The following PPFIA2 variants were observed in gnomAD, a reference collection of about 807,000 sequenced individuals.
The protein encoded by PPFIA2 is liprin-alpha-2.
A neutral mutation model predicts 175.5 loss-of-function variants in PPFIA2; 46 were observed. That is an observed-to-expected ratio of 0.26 (90% confidence interval 0.21 to 0.34). PPFIA2 has a LOEUF of 0.34. PPFIA2 is among the 10% of genes least tolerant of loss of function. PPFIA2 has a pLI of 1.00. For missense variants in PPFIA2, 1,179 were observed against 1,506.1 expected, an observed-to-expected ratio of 0.78 and a Z score of 3.60; for synonymous variants, 568 against 511.4, an observed-to-expected ratio of 1.11 and a Z score of -1.49.
chr12:81,319,506 A>ATTGACTTT (rs2053188334), intron 22 of PPFIA2, among the ~76,000 whole-genome samples: 1 of 151,830 alleles, frequency 6.6e-6, no homozygotes, highest in Non-Finnish European at 1.5e-5. Context: ...TTCCAGAGAA[A>ATTGACTTT]TTTTGAAAGC....
At chr12:81,554,937 T>C (rs2068578932) in intron 4 of PPFIA2, among the ~76,000 whole-genome samples, 1 of 152,064 alleles carries the variant, frequency 6.6e-6, no homozygotes, top group Non-Finnish European at 1.5e-5. Flanking sequence ...CTAATAAGTA[T>C]TGGTCTTCTC....
At chr12:81,278,350 G>C (rs921566135) in intron 27 of PPFIA2, among the ~76,000 whole-genome samples, 2 of 152,006 alleles carry the variant, frequency 1.3e-5, no homozygotes, top group African/African-American at 4.8e-5. Context: ...AGACCAGCTT[G>C]GTCAATATGG....
At chr12:81,386,610 A>G (rs76395409) in intron 8 of PPFIA2, among the ~76,000 whole-genome samples, 53,683 of 151,388 alleles carry the variant, frequency 0.35, 10,340 homozygotes, top group East Asian at 0.53. Context: ...TGAAAGAGTG[A>G]GGCTCTGACC....
chr12:81,336,505 T>A (rs1293541931), intron 21 of PPFIA2, among the ~76,000 whole-genome samples: 2 of 152,228 alleles, frequency 1.3e-5, no homozygotes, highest in Non-Finnish European at 2.9e-5. Flanking sequence ...GCAAACAAGA[T>A]ATCCTTTCCA....
At chr12:81,628,487 C>T (rs2062988321) in intron 4 of PPFIA2, among the ~76,000 whole-genome samples, 1 of 150,916 alleles carries the variant, frequency 6.6e-6, no homozygotes, top group African/African-American at 2.4e-5. Context: ...AGGGATTCTC[C>T]TGTCTCAGCC....
Position 81,425,071 on chromosome 12 carries a change from G to A in PPFIA2, c.645+14901C>T, listed in dbSNP as rs199908130. 4.6e-5 allele frequency: 7 copies of A among 152,262 alleles called. No homozygotes were observed. The East Asian group carries it at 1.4e-3, about 29-fold the overall frequency. 9.4% of individuals were successfully genotyped at this position (152,262 alleles called of 1,614,324 possible). Reference sequence around the variant, plus strand: ...TTCAGGTGAATTACTTTAAGCATTAGAACCATATTTTCTGCATCTTTAAAG... The same window carrying A: ...TTCAGGTGAATTACTTTAAGCATTAAAACCATATTTTCTGCATCTTTAAAG... On this transcript the variant is annotated intron_variant, in intron 7 of 32. Coordinates refer to ENST00000549396, the MANE Select transcript of PPFIA2 (RefSeq NM_003625.5).
At chr12:81,358,985 C>T (rs1316632019) in intron 15 of PPFIA2, among the ~76,000 whole-genome samples, 1 of 151,674 alleles carries the variant, frequency 6.6e-6, no homozygotes, top group African/African-American at 2.4e-5. Context: ...AATAAAGTAC[C>T]CTATAATCAA....
intron 4 of PPFIA2, among the ~76,000 whole-genome samples, chr12:81,658,955 G>A (rs1419297811): frequency 6.6e-6 from 1 of 152,080 alleles, no homozygotes; most frequent in African/African-American, 2.4e-5. Context: ...TAACCAGGAA[G>A]TTGAATATAT....
intron 4 of PPFIA2, among the ~76,000 whole-genome samples, chr12:81,503,116 C>A (rs1238156718): frequency 6.6e-6 from 1 of 152,178 alleles, no homozygotes; most frequent in Admixed American, 6.6e-5. Context: ...ACACTTCTTT[C>A]TCTCTGATGA....
At chr12:81,512,634 T>C (rs1318116155) in intron 4 of PPFIA2, among the ~76,000 whole-genome samples, 1 of 152,026 alleles carries the variant, frequency 6.6e-6, no homozygotes, top group Non-Finnish European at 1.5e-5. Context: ...GGTGCACCTG[T>C]CATTCGAGCA....
chr12:81,409,084 T>C (rs879881178), intron 7 of PPFIA2, among the ~76,000 whole-genome samples: 3 of 152,110 alleles, frequency 2.0e-5, no homozygotes, highest in South Asian at 4.2e-4. Context: ...AGCACAGACT[T>C]CTTTAGGAAA....
rs545091070 is a variant in PPFIA2, at chr12:81,749,531, A to G, written c.249+4442T>C. On this transcript the variant is annotated intron_variant, in intron 3 of 32. Transcript: ENST00000549396. ...TCTTCTCCAAACATTCTTAACAAATATATTAATAACTGACAATTATTCCCC... is the reference window on the plus strand; with the variant it reads ...TCTTCTCCAAACATTCTTAACAAATGTATTAATAACTGACAATTATTCCCC... Among the ~76,000 whole-genome samples, 2 of 144,150 alleles carry G rather than the reference A, an allele frequency of 1.4e-5. 1 individual carries two copies. Among genetic ancestry groups the G allele is most frequent in the East Asian group, 4.3e-4 (2 of 4,698 alleles). 94.6% of individuals were successfully genotyped at this position (144,150 alleles called of 152,430 possible).
chr12:81,693,285 G>A (rs760412509), intron 3 of PPFIA2, among the ~76,000 whole-genome samples: 42 of 152,052 alleles, frequency 2.8e-4, no homozygotes, highest in Non-Finnish European at 5.0e-4. Context: ...GGGTCTGGTG[G>A]GTGGTGTTTG....
At chr12:81,396,384 A>C (rs1316669691) in intron 8 of PPFIA2, among the ~76,000 whole-genome samples, 1 of 152,096 alleles carries the variant, frequency 6.6e-6, no homozygotes, top group East Asian at 1.9e-4. Context: ...ACTATGTTAG[A>C]ATATGTTATG....
At chr12:81,580,853 T>C (rs185217412) in intron 4 of PPFIA2, among the ~76,000 whole-genome samples, 1 of 151,854 alleles carries the variant, frequency 6.6e-6, no homozygotes, top group Non-Finnish European at 1.5e-5. Flanking sequence ...CCACAATTTG[T>C]TCACCTAAAA....
intron 4 of PPFIA2, among the ~76,000 whole-genome samples, chr12:81,516,488 T>A (rs1368730883): frequency 2.6e-5 from 4 of 152,052 alleles, no homozygotes; most frequent in African/African-American, 9.7e-5. Context: ...GGAAATAGGG[T>A]CTTTGCAGAC....
At chr12:81,332,115 C>T (rs1439013051) in intron 21 of PPFIA2, among the ~76,000 whole-genome samples, 2 of 151,946 alleles carry the variant, frequency 1.3e-5, no homozygotes, top group Admixed American at 6.6e-5. Context: ...AGCTCGTTTG[C>T]TCTAATCCTT....
intron 4 of PPFIA2, among the ~76,000 whole-genome samples, chr12:81,607,194 T>C (rs1334604177): frequency 3.9e-5 from 6 of 152,142 alleles, no homozygotes; most frequent in African/African-American, 9.7e-5. Context: ...AATACCATGC[T>C]GTTTTGGTTA....
intron 4 of PPFIA2, among the ~76,000 whole-genome samples, chr12:81,576,823 T>C (rs1223432542): frequency 1.3e-5 from 2 of 151,874 alleles, no homozygotes; most frequent in Non-Finnish European, 1.5e-5. Context: ...TATGATTTCA[T>C]CTGAAAATAT....
Sources: allele counts gnomAD v4.1 joint callset (sites outside exome capture counted in the v4.1 genomes callset), GRCh38; gene constraint gnomAD v4.1.1; transcripts MANE v1.5; gene names NCBI Gene and HGNC (gene_info 2026-07-23, HGNC 2026-07-21).